Variants in PTPRJ observed in about 807,000 individuals in gnomAD.
The protein encoded by PTPRJ is receptor-type tyrosine-protein phosphatase eta.
Under a neutral mutation model 141.3 loss-of-function variants are expected in PTPRJ, and 129 were observed. The observed-to-expected ratio is 0.91, with a 90% CI of 0.79 to 1.06. The LOEUF (loss-of-function observed/expected upper bound fraction) is 1.06, where lower values mean the gene tolerates loss of function less well. Among genes scored for constraint, PTPRJ ranks in the 50% least tolerant of loss-of-function variants. PTPRJ has a pLI of 0.00. For synonymous variants in PTPRJ, 610 were observed against 640.5 expected, an observed-to-expected ratio of 0.95 and a Z score of 0.72; for missense variants, 1,601 against 1,679.7, an observed-to-expected ratio of 0.95 and a Z score of 0.82.
chr11:47,999,638 T>C (rs1403518889), intron 1 of PTPRJ, among the ~76,000 whole-genome samples: 1 of 151,964 alleles, frequency 6.6e-6, no homozygotes, highest in Non-Finnish European at 1.5e-5. Flanking sequence ...CTTGCCCCCA[T>C]TGGTGTTTTA....
chr11:48,074,068 C>T (rs1005903577), intron 1 of PTPRJ, among the ~76,000 whole-genome samples: 1 of 152,198 alleles, frequency 6.6e-6, no homozygotes, highest in Non-Finnish European at 1.5e-5. Flanking sequence ...CAGCCTTGAC[C>T]TCCTGGGCTC....
At position 48,110,067 on chromosome 11, in the gene PTPRJ, G is replaced by A. The variant is rs771041256; in HGVS notation, c.106G>A (p.Ala36Thr). 7 of 1,613,730 alleles carry A rather than the reference G, an allele frequency of 4.3e-6. No individual in the cohort carries two copies. The Admixed American group carries it at 6.7e-5, about 15-fold the overall frequency. ...LLLRLGQILC[A>T]GGTPSPIPDP... ...TCTTTTTCTGTTTCAGATCCTGTGC[G>A]CAGGTGGCAGTGAGTACCCTTTTCC... The change falls in exon 2 of 25, where the codon GCA (alanine) becomes ACA (threonine). Residue 36 changes from alanine (A) to threonine (T), a missense_variant. By Grantham distance (58) the Ala-to-Thr change is moderately conservative. Coordinates refer to ENST00000418331, the MANE Select transcript of PTPRJ (RefSeq NM_002843.4).
chr11:48,150,218 A>G, intron 18 of PTPRJ, 35 bp downstream of exon 18: 1 of 1,585,712 alleles, frequency 6.3e-7, no homozygotes, highest in Non-Finnish European at 8.7e-7. Flanking sequence ...TAATTGTGTC[A>G]GGTTCCAACC....
chr11:48,135,476 C>CG (rs1356217170), intron 8 of PTPRJ, among the ~76,000 whole-genome samples: 1 of 58,218 alleles, frequency 1.7e-5, no homozygotes, highest in Admixed American at 2.7e-4. Context: ...CGCGCCTGGC[C>CG]TTTTTTTTTT....
At chr11:48,134,210 C>T (rs1857037185) in intron 8 of PTPRJ, among the ~76,000 whole-genome samples, 2 of 152,156 alleles carry the variant, frequency 1.3e-5, no homozygotes, top group African/African-American at 4.8e-5. Context: ...ATACATTTTG[C>T]TTGTATACTG....
At chr11:48,157,280 CT>C (rs1490767141) in intron 21 of PTPRJ, among the ~76,000 whole-genome samples, 1 of 152,206 alleles carries the variant, frequency 6.6e-6, no homozygotes, top group Non-Finnish European at 1.5e-5. Flanking sequence ...GCCACCGCCC[CT>C]GGCCAATATT....
At chr11:48,050,892 C>A (rs1404463642) in intron 1 of PTPRJ, among the ~76,000 whole-genome samples, 2 of 151,908 alleles carry the variant, frequency 1.3e-5, no homozygotes, top group Non-Finnish European at 2.9e-5. Context: ...TAGCAGGCAG[C>A]TTTTAGGGGG....
At chr11:48,053,474 A>ATT (rs1565278735) in intron 1 of PTPRJ, among the ~76,000 whole-genome samples, 56 of 118,146 alleles carry the variant, frequency 4.7e-4, no homozygotes, top group African/African-American at 1.8e-3. Flanking sequence ...TATAATATAT[A>ATT]AAAAATATAT....
chr11:48,049,614 T>C (rs1008931771), intron 1 of PTPRJ, among the ~76,000 whole-genome samples: 8 of 149,126 alleles, frequency 5.4e-5, no homozygotes, highest in Non-Finnish European at 1.2e-4. Flanking sequence ...CTCGGGAGGC[T>C]GAGGCAGGAG....
At chr11:47,999,395 G>A (rs1300377539) in intron 1 of PTPRJ, among the ~76,000 whole-genome samples, 1 of 152,230 alleles carries the variant, frequency 6.6e-6, no homozygotes, top group African/African-American at 2.4e-5. Context: ...CTTTGAGCAA[G>A]TATTTTTTGC....
intron 8 of PTPRJ, chr11:48,131,671 G>T: frequency 1.8e-6 from 1 of 560,916 alleles, no homozygotes; most frequent in Non-Finnish European, 3.2e-6. Context: ...GGCTACTTTG[G>T]TGCTAGAATT....
chr11:48,112,733 C>T lies in PTPRJ; in HGVS notation c.116-14C>T, dbSNP rs1376017571. 2 of 1,573,164 alleles carry T rather than the reference C, an allele frequency of 1.3e-6. No individual in the cohort carries two copies. The highest frequency in any genetic ancestry group is 2.2e-5 in the East Asian group (1 of 44,680). On this transcript the variant is annotated splice_polypyrimidine_tract_variant and intron_variant, in intron 2 of 24. Transcript: ENST00000418331. ...AATATATTTTTAATCTAATTGTTTA[C>T]TTTCTTTGCATAGCCCCTAGTCCAA...
intron 1 of PTPRJ, among the ~76,000 whole-genome samples, chr11:48,051,674 A>T (rs529115957): frequency 2.6e-5 from 4 of 152,332 alleles, no homozygotes; most frequent in African/African-American, 7.2e-5. Context: ...TCTTCACATC[A>T]GCCCTGTGGG....
In PTPRJ at chr11:48,127,898, G is replaced by A. The variant is rs1390438610; in HGVS notation, c.1212G>A (p.Ala404=). The stretch of plus-strand genomic sequence containing the variant: ...ACTATACCTACAAGATACATGTGGC[G>A]GGGGAGACAGATTCTTCCAATCTCA... ...SSNYTYKIHV[A]GETDSSNLNV... The change falls in exon 7 of 25, where the codon GCG becomes GCA. Residue 404 remains alanine (A), a synonymous_variant. Transcript: ENST00000418331. The A allele has an allele frequency of 6.2e-6, 10 of 1,614,148 alleles. No individual in the cohort carries two copies. Among genetic ancestry groups the A allele is most frequent in the Non-Finnish European group, 7.6e-6 (9 of 1,180,016 alleles).
chr11:48,165,862 C>T (rs1055103298), intron 24 of PTPRJ, among the ~76,000 whole-genome samples: 1 of 120,578 alleles, frequency 8.3e-6, no homozygotes, highest in Non-Finnish European at 2.0e-5. Context: ...ATTTTTCTCT[C>T]CTCTTTTTTT....
chr11:48,023,435 T>C (rs1853712420), intron 1 of PTPRJ, among the ~76,000 whole-genome samples: 1 of 152,174 alleles, frequency 6.6e-6, no homozygotes, highest in African/African-American at 2.4e-5. Context: ...GGATGAATCT[T>C]TGGCTTTCTG....
rs375401948 is a variant in PTPRJ at position 48,031,566 on chromosome 11, A to T, written c.96+50558A>T. ...GTCATGCAAAATGGGGTGGGATCAC[A>T]TCGCGGGATGAAGCACTTGGATGCA... is the stretch of plus-strand genomic sequence containing the variant. On this transcript the variant is annotated intron_variant, in intron 1 of 24. Transcript: ENST00000418331. Among the ~76,000 whole-genome samples the T allele has an allele frequency of 5.3e-5, 8 of 152,324 alleles. No homozygotes were observed. In the East Asian group the frequency reaches 1.5e-3, roughly 29 times the overall value.
intron 1 of PTPRJ, among the ~76,000 whole-genome samples, chr11:48,079,691 G>A (rs1340527477): frequency 6.6e-6 from 1 of 152,106 alleles, no homozygotes. Flanking sequence ...GCTTCTCAAG[G>A]GTGTGTTTGC....
At chr11:48,050,071 G>T (rs996946488) in intron 1 of PTPRJ, among the ~76,000 whole-genome samples, 2 of 152,144 alleles carry the variant, frequency 1.3e-5, no homozygotes, top group Non-Finnish European at 2.9e-5. Context: ...GAACATTCCT[G>T]TGCTTTCCGT....
Sources: gnomAD v4.1 joint callset for allele counts (sites outside exome capture counted in the v4.1 genomes callset) on GRCh38, gnomAD v4.1.1 for gene constraint, MANE v1.5 for transcripts, NCBI Gene and HGNC (gene_info 2026-07-23, HGNC 2026-07-21) for gene names.